CASK: variants seen among roughly 807,000 people sequenced by gnomAD.
The protein encoded by CASK is peripheral plasma membrane protein CASK.
CASK carries 4 observed loss-of-function variants against 82.9 expected under a neutral mutation model. That is an observed-to-expected ratio of 0.05 (90% CI 0.02 to 0.11). The LOEUF is 0.11. Among genes scored for constraint, CASK ranks in the 10% least tolerant of loss-of-function variants. The probability of loss-of-function intolerance (pLI) is 1.00; values close to 1 mark genes in which losing one functional copy is unlikely to be tolerated. For synonymous variants in CASK, 259 were observed against 253.5 expected, an observed-to-expected ratio of 1.02 and a Z score of -0.20; for missense variants, 358 against 720.9, an observed-to-expected ratio of 0.50 and a Z score of 5.76.
intron 3 of CASK, among the ~76,000 whole-genome samples, chrX:41,775,490 A>C (rs2069342503): frequency 9.6e-6 from 1 of 104,577 alleles, no homozygotes. Context: ...TTCCTCAGGG[A>C]TCTAGAACTA....
chrX:41,876,385 G>A (rs1299742611), intron 1 of CASK, among the ~76,000 whole-genome samples: 2 of 111,417 alleles, frequency 1.8e-5, no homozygotes, highest in Non-Finnish European at 3.8e-5. Context: ...AAAAATTCCA[G>A]ATCCAAAGTC....
At chrX:41,535,617 G>C (rs1307056015) in intron 22 of CASK, among the ~76,000 whole-genome samples, 1 of 111,038 alleles carries the variant, frequency 9.0e-6, no homozygotes, top group East Asian at 2.8e-4. Context: ...TCTTGAATAT[G>C]TAAGGAGAGT....
chrX:41,561,812 C>T lies in CASK; in HGVS notation c.1583-168G>A, dbSNP rs771680125. The T allele has an allele frequency of 1.6e-3, 711 of 446,949 alleles. 7 individuals carry two copies. The African/African-American group carries it at 0.016, about 10-fold the overall frequency. 36.8% of individuals were successfully genotyped at this position (446,949 alleles called of 1,213,427 possible). A position where few individuals can be genotyped will look rare whatever the true frequency, so the allele number is the denominator to read the frequency against. On this transcript the variant is annotated intron_variant, in intron 16 of 26. Coordinates refer to ENST00000378163, the MANE Select transcript of CASK (RefSeq NM_001367721.1). ...CAGAATTATTTAACTCATGTAGTAA[C>T]CTCATCAAAACAGATATATCTACTT...
chrX:41,567,218 A>C (rs184593218), intron 16 of CASK, among the ~76,000 whole-genome samples: 2 of 112,335 alleles, frequency 1.8e-5, no homozygotes, highest in African/African-American at 6.5e-5. Flanking sequence ...CAATGGCAAC[A>C]AAAGCCAAAA....
In CASK at chrX:41,824,466, T is replaced by C. The variant is rs552619450; in HGVS notation, c.172+28649A>G. Among the ~76,000 whole-genome samples, 25 of 112,525 alleles carry C rather than the reference T, an allele frequency of 2.2e-4. No homozygotes were observed. In the South Asian group the frequency reaches 8.8e-3, roughly 40 times the overall value. On this transcript the variant is annotated intron_variant, in intron 2 of 26. Coordinates refer to ENST00000378163, the MANE Select transcript of CASK (RefSeq NM_001367721.1). The stretch of plus-strand genomic sequence containing the variant: ...CACTGGAGGAGAAAGGGTTCTGTTG[T>C]CCCAGTTCCAGTGTTTTTCTCATCA...
At chrX:41,664,920 A>C (rs1399301632) in intron 7 of CASK, among the ~76,000 whole-genome samples, 2 of 113,064 alleles carry the variant, frequency 1.8e-5, no homozygotes. Flanking sequence ...TGCTGGCCTA[A>C]ATTTAAAATT....
At chrX:41,741,192 G>A (rs770591541) in intron 4 of CASK, among the ~76,000 whole-genome samples, 9 of 111,760 alleles carry the variant, frequency 8.1e-5, no homozygotes, top group African/African-American at 2.9e-4. Context: ...CATAAGTTTT[G>A]TTCAAATGAG....
At chrX:41,773,567 T>C (rs1257647595) in intron 3 of CASK, among the ~76,000 whole-genome samples, 1 of 110,793 alleles carries the variant, frequency 9.0e-6, no homozygotes, top group Non-Finnish European at 1.9e-5. Flanking sequence ...AATATAGTCA[T>C]GTGTTGCTAA....
intron 3 of CASK, among the ~76,000 whole-genome samples, chrX:41,758,658 G>A (rs1278363733): frequency 9.0e-6 from 1 of 110,975 alleles, no homozygotes; most frequent in Non-Finnish European, 1.9e-5. Flanking sequence ...GGTTGGGAAT[G>A]TCTGAGGTGC....
chrX:41,798,191 T>A (rs1569452350), intron 2 of CASK, among the ~76,000 whole-genome samples: 1 of 112,087 alleles, frequency 8.9e-6, no homozygotes, highest in Non-Finnish European at 1.9e-5. Context: ...GGTTAAATGA[T>A]CACAATTCCA....
At chrX:41,655,093 C>T (rs2066916615) in intron 8 of CASK, among the ~76,000 whole-genome samples, 1 of 109,737 alleles carries the variant, frequency 9.1e-6, no homozygotes, top group African/African-American at 3.3e-5. Context: ...GTCTCCTTTA[C>T]CTAAATGTTT....
chrX:41,613,158 A>G (rs1569340920), intron 11 of CASK, among the ~76,000 whole-genome samples: 1 of 112,485 alleles, frequency 8.9e-6, no homozygotes, highest in Non-Finnish European at 1.9e-5. Context: ...AGAACAGGCC[A>G]TGATGACAAT....
chrX:41,915,990 AACACACAC>A (rs200862362), intron 1 of CASK, among the ~76,000 whole-genome samples: 1 of 105,248 alleles, frequency 9.5e-6, no homozygotes, highest in African/African-American at 3.5e-5. Context: ...TCCGTCTCAA[AACACACAC>A]ACACACACAC....
intron 1 of CASK, among the ~76,000 whole-genome samples, chrX:41,854,224 G>GCGCA (rs1367817089): frequency 0.023 from 1,916 of 81,557 alleles, 26 homozygotes; most frequent in Middle Eastern, 0.053. Flanking sequence ...GCGGGCGCGC[G>GCGCA]CACACACACA....
chrX:41,770,811 A>G (rs1295030914), intron 3 of CASK, among the ~76,000 whole-genome samples: 3 of 111,843 alleles, frequency 2.7e-5, no homozygotes, highest in African/African-American at 6.5e-5. Flanking sequence ...GAAAGAGACC[A>G]GTAAGAGAGG....
intron 4 of CASK, among the ~76,000 whole-genome samples, chrX:41,742,709 C>T (rs757818722): frequency 1.8e-5 from 2 of 111,889 alleles, no homozygotes; most frequent in African/African-American, 3.3e-5. Flanking sequence ...TCAGAGAGGA[C>T]GAAGAAAGAT....
At chrX:41,569,937 G>T (rs2065383279) in intron 15 of CASK, among the ~76,000 whole-genome samples, 191 bp from the exon 16 acceptor site, 1 of 104,831 alleles carries the variant, frequency 9.5e-6, no homozygotes, top group African/African-American at 3.5e-5. Flanking sequence ...TACTATTTTT[G>T]ATTTTTTGAT....
intron 11 of CASK, among the ~76,000 whole-genome samples, chrX:41,621,959 A>G (rs2066293543): frequency 8.9e-6 from 1 of 112,095 alleles, no homozygotes; most frequent in South Asian, 3.7e-4. Context: ...ATAGTATATT[A>G]TCATAACCAG....
intron 1 of CASK, among the ~76,000 whole-genome samples, chrX:41,897,107 C>CCCT (rs1304962855): frequency 9.0e-6 from 1 of 111,538 alleles, no homozygotes; most frequent in Non-Finnish European, 1.9e-5. Context: ...ATGCATTTTT[C>CCCT]TTGTGTACTC....
Sources: gnomAD v4.1 joint callset for allele counts (sites outside exome capture counted in the v4.1 genomes callset) on GRCh38, gnomAD v4.1.1 for gene constraint, MANE v1.5 for transcripts, NCBI Gene and HGNC (gene_info 2026-07-23, HGNC 2026-07-21) for gene names.